LAMB4: variants seen among roughly 807,000 people sequenced by gnomAD.
The protein encoded by LAMB4 is laminin subunit beta-4.
LAMB4 carries 196 observed loss-of-function variants against 199.2 expected under a neutral mutation model. The observed-to-expected ratio is 0.98, with a 90% CI of 0.88 to 1.11. The LOEUF (loss-of-function observed/expected upper bound fraction) is 1.11. Ranked by LOEUF, LAMB4 falls within the 50% of genes least tolerant of loss-of-function variation. The pLI is 0.00. For synonymous variants in LAMB4, 744 were observed against 770.6 expected, an observed-to-expected ratio of 0.97 and a Z score of 0.57; for missense variants, 2,080 against 2,171.2, an observed-to-expected ratio of 0.96 and a Z score of 0.83.
intron 3 of LAMB4, among the ~76,000 whole-genome samples, chr7:108,115,440 G>A (rs1317880552): frequency 1.3e-5 from 2 of 152,136 alleles, no homozygotes; most frequent in Admixed American, 1.3e-4. Context: ...AGGCTGAGGT[G>A]GGAAGATCGC....
chr7:108,054,269 G>A (rs1372288742), intron 25 of LAMB4, among the ~76,000 whole-genome samples: 1 of 152,170 alleles, frequency 6.6e-6, no homozygotes, highest in Non-Finnish European at 1.5e-5. Context: ...AGATGTGCCT[G>A]TTGTCACCTG....
rs911737509 is a variant in LAMB4 at position 108,047,802 on chromosome 7, A to G, written c.4326+106T>C. 3.5e-6 allele frequency: 3 copies of G among 866,640 alleles called. No individual in the cohort carries two copies. In the African/African-American group the frequency reaches 5.0e-5, roughly 14 times the overall value. The allele number at this position is 866,640 out of a possible 1,614,324, so 53.7% of individuals were successfully genotyped here. A position where few individuals can be genotyped will look rare whatever the true frequency, so the allele number is the denominator to read the frequency against. On this transcript the variant is annotated intron_variant, in intron 28 of 33. Coordinates refer to ENST00000388781, the MANE Select transcript of LAMB4 (RefSeq NM_007356.3). Reference sequence around the variant, plus strand: ...CCAGGCACAAGAACACCAACTATCTAGAATCTATCTTCTCACTTGGAAGTT... The same window carrying G: ...CCAGGCACAAGAACACCAACTATCTGGAATCTATCTTCTCACTTGGAAGTT...
chr7:108,022,114 C>T (rs926084663), downstream of LAMB4, among the ~76,000 whole-genome samples: 17 of 152,114 alleles, frequency 1.1e-4, no homozygotes, highest in Admixed American at 3.9e-4. Context: ...TTGGAAATAT[C>T]GCCTGATGCA....
At chr7:108,050,683 G>T (rs574768668) in intron 26 of LAMB4, among the ~76,000 whole-genome samples, 1 of 151,968 alleles carries the variant, frequency 6.6e-6, no homozygotes, top group Non-Finnish European at 1.5e-5. Context: ...AAACTTTTCT[G>T]GTTCTATAAG....
chr7:108,042,229 T>C (rs56342394), intron 29 of LAMB4, among the ~76,000 whole-genome samples: 8,312 of 152,210 alleles, frequency 0.055, 320 homozygotes, highest in East Asian at 0.12. Flanking sequence ...GTAAGAAGTT[T>C]CTTGTAAGAA....
intron 1 of LAMB4, among the ~76,000 whole-genome samples, chr7:108,129,913 G>C (rs970173191): frequency 6.6e-6 from 1 of 152,170 alleles, no homozygotes; most frequent in Non-Finnish European, 1.5e-5. Flanking sequence ...AAAATATTTT[G>C]AAAATATGGG....
chr7:108,026,819 C>T (rs1260051008), intron 33 of LAMB4: 1 of 495,552 alleles, frequency 2.0e-6, no homozygotes, highest in Non-Finnish European at 4.0e-6. Flanking sequence ...GAGGAACAGG[C>T]ACAGCCTTGT....
At chr7:108,125,869 G>A (rs2038761451) in intron 1 of LAMB4, among the ~76,000 whole-genome samples, 1 of 152,194 alleles carries the variant, frequency 6.6e-6, no homozygotes, top group African/African-American at 2.4e-5. Context: ...ATGACCTGCT[G>A]AAAATTTCTT....
At position 108,105,665 on chromosome 7, in the gene LAMB4, G is replaced by A. The variant is rs979794223; in HGVS notation, c.870+152C>T. 4.5e-5 allele frequency: 29 copies of A among 648,814 alleles called. No homozygotes were observed. The Middle Eastern group carries it at 2.1e-3, about 46-fold the overall frequency. 40.2% of individuals were successfully genotyped at this position (648,814 alleles called of 1,614,324 possible). A position where few individuals can be genotyped will look rare whatever the true frequency, so the allele number is the denominator to read the frequency against. On this transcript the variant is annotated intron_variant, in intron 8 of 33. Coordinates refer to ENST00000388781, the MANE Select transcript of LAMB4 (RefSeq NM_007356.3). ...TGGAGGAACTGGAGGGCCCTAGGTGGCCTATCAGGATAGGTTGAATGGTAC... is the reference window on the plus strand; with the variant it reads ...TGGAGGAACTGGAGGGCCCTAGGTGACCTATCAGGATAGGTTGAATGGTAC...
Position 108,078,221 on chromosome 7 carries a change from A to T in LAMB4, c.1983T>A (p.Phe661Leu). 1 of 1,609,698 alleles carries T rather than the reference A, an allele frequency of 6.2e-7. No individual in the cohort carries two copies. Among genetic ancestry groups the T allele is most frequent in the Non-Finnish European group, 8.5e-7 (1 of 1,177,670 alleles). ...CATACCTCGTAGCCGCTGGTAAGGC[A>T]AAAGACTGAGGCTTTGACTGTAGAG... The part of the protein sequence containing the change: ...PKTLQSKPQS[F>L]ALPAATRIML... The change falls in exon 16 of 34, where the codon TTT (phenylalanine) becomes TTA (leucine). Residue 661 changes from phenylalanine to leucine, a missense_variant. By Grantham distance (22) the Phe-to-Leu change is conservative. Transcript: ENST00000388781.
At chr7:108,061,048 G>A (rs939250854) in intron 23 of LAMB4, among the ~76,000 whole-genome samples, 1 of 152,238 alleles carries the variant, frequency 6.6e-6, no homozygotes, top group African/African-American at 2.4e-5. Flanking sequence ...AGGATGTGAT[G>A]AGAGTGGCAC....
At chr7:108,015,886 C>G in the LAMB4 span, among the ~76,000 whole-genome samples, 1 of 151,134 alleles carries the variant, frequency 6.6e-6, no homozygotes, top group Non-Finnish European at 1.5e-5. Flanking sequence ...CAGTTTTGTT[C>G]AATAACATTT....
rs76633647 is a variant in LAMB4, at chr7:108,052,992, G to A, written c.3756-735C>T. Among the ~76,000 whole-genome samples the A allele has an allele frequency of 7.2e-4, 110 of 152,270 alleles. No homozygotes were observed. In the East Asian group the frequency reaches 0.02, roughly 27 times the overall value. Reference sequence around the variant, plus strand: ...TAATTTATCTTGGCACAATGGCAATGCTTCCTTCCATTTTCTTTTGTAACT... The same window carrying A: ...TAATTTATCTTGGCACAATGGCAATACTTCCTTCCATTTTCTTTTGTAACT... On this transcript the variant is annotated intron_variant, in intron 25 of 33. Transcript: ENST00000388781.
At chr7:108,031,461 T>A (rs1030541902) in intron 31 of LAMB4, among the ~76,000 whole-genome samples, 3 of 150,276 alleles carry the variant, frequency 2.0e-5, no homozygotes, top group African/African-American at 7.4e-5. Flanking sequence ...ACATTAACAA[T>A]GAGCTAAGGC....
the LAMB4 span, among the ~76,000 whole-genome samples, chr7:108,016,692 C>T: frequency 1.3e-5 from 2 of 152,156 alleles, no homozygotes; most frequent in Non-Finnish European, 2.9e-5. Context: ...ATTAACCTAG[C>T]TGTGTTAGTA....
In LAMB4 at chr7:108,030,937, C is replaced by A; in HGVS notation, c.4861G>T (p.Ala1621Ser). The A allele has an allele frequency of 6.2e-7, 1 of 1,613,992 alleles. No homozygotes were observed. Among genetic ancestry groups the A allele is most frequent in the Non-Finnish European group, 8.5e-7 (1 of 1,179,932 alleles). ...TREMKSELEL[A>S]KQRSGLEDGL... is the part of the protein sequence containing the mutation. ...TCCTCCAGCCCTGATCGCTGCTTTG[C>A]TAACTCCAGCTCACTCTTCATTTCC... Residue 1621 changes from alanine to serine, a missense_variant, in exon 32 of 34, where the codon GCA becomes TCA. Coordinates refer to ENST00000388781, the MANE Select transcript of LAMB4 (RefSeq NM_007356.3).
At chr7:108,106,141 G>T in intron 7 of LAMB4, 110 bp from the exon 8 acceptor site, 4 of 878,038 alleles carry the variant, frequency 4.6e-6, no homozygotes, top group Non-Finnish European at 7.1e-6. Context: ...TTACAGGCCC[G>T]GTGTAGTGGC....
intron 30 of LAMB4, among the ~76,000 whole-genome samples, chr7:108,035,176 C>T (rs189846178): frequency 6.6e-6 from 1 of 152,196 alleles, no homozygotes; most frequent in Admixed American, 6.5e-5. Context: ...CCCAGGGTAC[C>T]AGTGTCCATT....
At chr7:108,048,323 C>A (rs902598901) in intron 27 of LAMB4, among the ~76,000 whole-genome samples, 2 of 152,074 alleles carry the variant, frequency 1.3e-5, no homozygotes, top group Non-Finnish European at 1.5e-5. Flanking sequence ...CACTACCACG[C>A]CTGGCTAATT....
Sources: allele counts gnomAD v4.1 joint callset (sites outside exome capture counted in the v4.1 genomes callset), GRCh38; gene constraint gnomAD v4.1.1; transcripts MANE v1.5; gene names NCBI Gene and HGNC (gene_info 2026-07-23, HGNC 2026-07-21).